Variants in PDE1C observed in about 807,000 individuals in gnomAD.
The protein encoded by PDE1C is dual specificity calcium/calmodulin-dependent 3',5'-cyclic nucleotide phosphodiesterase 1C.
PDE1C carries 62 observed loss-of-function variants against 93.1 expected under a neutral mutation model. The ratio of observed to expected loss-of-function variants is 0.67; its 90% confidence interval spans 0.54 to 0.82. PDE1C has a LOEUF of 0.82. Among genes scored for constraint, PDE1C ranks in the 40% least tolerant of loss-of-function variants. PDE1C has a pLI of 0.00. For synonymous variants in PDE1C, 325 were observed against 310.1 expected (o/e 1.05, Z -0.50); for missense variants, 742 against 884.6 (o/e 0.84, Z 2.04).
chr7:31,702,705 A>G, the PDE1C span, among the ~76,000 whole-genome samples: 1 of 152,220 alleles, frequency 6.6e-6, no homozygotes, highest in African/African-American at 2.4e-5. Flanking sequence ...TGATGAATTC[A>G]TGAGGACTGG....
chr7:31,833,003 A>G (rs939650271), intron 11 of PDE1C, among the ~76,000 whole-genome samples: 1 of 152,128 alleles, frequency 6.6e-6, no homozygotes, highest in African/African-American at 2.4e-5. Flanking sequence ...CCCAAATCTC[A>G]TCTTAAATTG....
chr7:31,762,998 T>C (rs1026694573), intron 17 of PDE1C, among the ~76,000 whole-genome samples: 5 of 152,224 alleles, frequency 3.3e-5, no homozygotes, highest in Non-Finnish European at 5.9e-5. Context: ...TTGGGGAGCT[T>C]TGAAAAGTAC....
intron 1 of PDE1C, among the ~76,000 whole-genome samples, chr7:32,238,021 C>T (rs1172643819): frequency 3.3e-5 from 5 of 151,966 alleles, no homozygotes; most frequent in Non-Finnish European, 5.9e-5. Context: ...CCGCCCACCT[C>T]GGCCTCCCAA....
chr7:32,338,800 G>T (rs1023096861), intron 1 of PDE1C, among the ~76,000 whole-genome samples: 1 of 152,000 alleles, frequency 6.6e-6, no homozygotes, highest in Non-Finnish European at 1.5e-5. Flanking sequence ...TCAGGAGATC[G>T]AGACCATCCT....
At chr7:31,922,835 A>AT (rs200859253) in intron 2 of PDE1C, among the ~76,000 whole-genome samples, 4,566 of 152,200 alleles carry the variant, frequency 0.03, 76 homozygotes, top group South Asian at 0.072. Flanking sequence ...AATGAGTTTT[A>AT]TTTTTTTTAA....
At chr7:32,316,972 T>C (rs1312455159) in intron 1 of PDE1C, among the ~76,000 whole-genome samples, 3 of 152,198 alleles carry the variant, frequency 2.0e-5, no homozygotes, top group Non-Finnish European at 4.4e-5. Flanking sequence ...ACTTAATTTA[T>C]TCTCCCTCTA....
At chr7:32,275,298 GA>G (rs913007409) in intron 1 of PDE1C, among the ~76,000 whole-genome samples, 10 of 147,892 alleles carry the variant, frequency 6.8e-5, no homozygotes, top group East Asian at 2.0e-4. Context: ...AGCTAATGAG[GA>G]AAAAAAAAAA....
intron 2 of PDE1C, among the ~76,000 whole-genome samples, chr7:31,888,446 A>G (rs1436136748): frequency 2.0e-5 from 3 of 152,008 alleles, no homozygotes; most frequent in Non-Finnish European, 4.4e-5. Context: ...GGTCTTTGAA[A>G]TGCTTAATAA....
the PDE1C span, chr7:31,658,400 T>C: frequency 6.7e-7 from 1 of 1,490,740 alleles, no homozygotes; most frequent in Non-Finnish European, 8.8e-7. Context: ...TAATTGTTTT[T>C]CTTTGTTGAG....
At chr7:32,343,272 A>C (rs1027379388) in intron 1 of PDE1C, among the ~76,000 whole-genome samples, 1 of 152,196 alleles carries the variant, frequency 6.6e-6, no homozygotes, top group African/African-American at 2.4e-5. Context: ...ATTTTGACAA[A>C]GTAGGACACC....
At position 32,413,008 on chromosome 7, in the gene PDE1C, C is replaced by G. The variant is rs185558159; in HGVS notation, c.310+14814G>C. Reference sequence around the variant, plus strand: ...AACTCACGGGGATGAGGGTAATGGCCTGTACCTTGATAGGGGTTTGGGTTA... The same window carrying G: ...AACTCACGGGGATGAGGGTAATGGCGTGTACCTTGATAGGGGTTTGGGTTA... On this transcript the variant is annotated intron_variant, in intron 1 of 1. Transcript: ENST00000672256. Among the ~76,000 whole-genome samples, 160 of 152,248 alleles carry G rather than the reference C, an allele frequency of 1.1e-3. 1 individual carries two copies. Among genetic ancestry groups the G allele is most frequent in the African/African-American group, 3.7e-3 (153 of 41,538 alleles).
At chr7:32,408,513 G>A (rs1785103037) in intron 1 of PDE1C, among the ~76,000 whole-genome samples, 1 of 152,236 alleles carries the variant, frequency 6.6e-6, no homozygotes, top group Admixed American at 6.5e-5. Flanking sequence ...AAAGGGCCGG[G>A]CACGGTGTCT....
At chr7:32,189,534 C>A (rs1318604163) in intron 2 of PDE1C, among the ~76,000 whole-genome samples, 1 of 152,176 alleles carries the variant, frequency 6.6e-6, no homozygotes, top group East Asian at 1.9e-4. Flanking sequence ...ATTTGTAAAT[C>A]TGCCTAGTAT....
At chr7:31,664,820 C>G in the PDE1C span, among the ~76,000 whole-genome samples, 1 of 152,186 alleles carries the variant, frequency 6.6e-6, no homozygotes, top group Admixed American at 6.5e-5. Flanking sequence ...TTTACCTCAC[C>G]TGATCAAGAC....
intron 1 of PDE1C, among the ~76,000 whole-genome samples, chr7:32,397,970 C>A (rs997929992): frequency 6.6e-6 from 1 of 151,758 alleles, no homozygotes; most frequent in Non-Finnish European, 1.5e-5. Context: ...CTGGCTAACA[C>A]AGTGACACCC....
intron 15 of PDE1C, among the ~76,000 whole-genome samples, chr7:31,811,407 G>T (rs1787532380): frequency 6.6e-6 from 1 of 151,984 alleles, no homozygotes; most frequent in Admixed American, 6.6e-5. Flanking sequence ...AGGAGCAGGG[G>T]AGTCTACTCT....
intron 15 of PDE1C, among the ~76,000 whole-genome samples, chr7:31,814,786 G>A (rs1313955410): frequency 2.7e-5 from 4 of 150,832 alleles, no homozygotes; most frequent in South Asian, 2.1e-4. Context: ...GTTCCATGAG[G>A]CCTGTGCTGT....
At chr7:31,624,503 G>C in the PDE1C span, among the ~76,000 whole-genome samples, 2 of 76,260 alleles carry the variant, frequency 2.6e-5, no homozygotes, top group African/African-American at 4.2e-5. Context: ...ACAAACCTGA[G>C]AAAAACAAGC....
intron 1 of PDE1C, among the ~76,000 whole-genome samples, chr7:32,242,913 C>T (rs936566780): frequency 7.2e-5 from 11 of 151,964 alleles, no homozygotes; most frequent in Non-Finnish European, 1.6e-4. Context: ...TGTACAAGGC[C>T]CTGTGGAAGG....
Sources: allele counts gnomAD v4.1 joint callset (sites outside exome capture counted in the v4.1 genomes callset), GRCh38; gene constraint gnomAD v4.1.1; transcripts MANE v1.5; gene names NCBI Gene and HGNC (gene_info 2026-07-23, HGNC 2026-07-21).